Variants in CYP4B1 observed in about 807,000 individuals in gnomAD.
The protein encoded by CYP4B1 is cytochrome P450 family 4 subfamily B member 1, also known as cytochrome P450 4B1.
A neutral mutation model predicts 54.0 loss-of-function variants in CYP4B1; 45 were observed. That is an observed-to-expected ratio of 0.83 (90% CI 0.66 to 1.07). The LOEUF is 1.07. CYP4B1 is among the 50% of genes least tolerant of loss of function. CYP4B1 has a pLI of 0.00. For missense variants in CYP4B1, 656 were observed against 655.4 expected, an observed-to-expected ratio of 1.00 and a Z score of -0.01; for synonymous variants, 248 against 247.5, an observed-to-expected ratio of 1.00 and a Z score of -0.02.
chr1:46,814,258 G>T lies in CYP4B1; in HGVS notation c.825G>T (p.Arg275=), dbSNP rs746509037. Residue 275 remains arginine, a synonymous_variant, in exon 7 of 12, where the codon CGG becomes CGT. Coordinates refer to ENST00000371923, the MANE Select transcript of CYP4B1 (RefSeq NM_001099772.2). ...RKAALQDEKV[R]KKIQNRRHLD... ...CAGCCCTGCAGGATGAGAAGGTGCG[G>T]AAGAAGATCCAGAACCGGAGGCACC... 5 of 1,614,172 alleles carry T rather than the reference G, an allele frequency of 3.1e-6. No individual in the cohort carries two copies. The South Asian group carries it at 5.5e-5, about 18-fold the overall frequency.
intron 1 of CYP4B1, among the ~76,000 whole-genome samples, chr1:46,807,744 T>G (rs193013455): frequency 6.6e-6 from 1 of 152,286 alleles, no homozygotes; most frequent in Admixed American, 6.5e-5. Flanking sequence ...TACAGACGAC[T>G]CCACAGAGGG....
intron 1 of CYP4B1, 93 bp from the exon 2 acceptor site, chr1:46,810,715 T>G (rs1679061789): frequency 7.1e-7 from 1 of 1,410,478 alleles, no homozygotes; most frequent in Non-Finnish European, 9.9e-7. Context: ...AGGGCCTGCC[T>G]GGGCAGCCTT....
rs556468268 is a variant in CYP4B1 at position 46,816,995 on chromosome 1, G to A, written c.1074-53G>A. 149 of 1,600,482 alleles carry A rather than the reference G, an allele frequency of 9.3e-5. No individual in the cohort carries two copies. In the African/African-American group the frequency reaches 1.2e-3, roughly 13 times the overall value. ...AACTGGGGCTGGGGTCTGCTTTCTC[G>A]CCAAATCCTGTTGCTTCCCATTCCA... On this transcript the variant is annotated intron_variant, in intron 8 of 11. Coordinates refer to ENST00000371923, the MANE Select transcript of CYP4B1 (RefSeq NM_001099772.2).
Position 46,814,328 on chromosome 1 carries a change from T to C in CYP4B1, c.882+13T>C, listed in dbSNP as rs367726647. ...CCTGGGTGCCCGGGTGAGTACATTG[T>C]TGCCCACCCCTACCTGAGGACTGGT... is the stretch of plus-strand genomic sequence containing the variant. On this transcript the variant is annotated intron_variant, in intron 7 of 11. Transcript: ENST00000371923. The C allele has an allele frequency of 5.9e-5, 95 of 1,596,644 alleles. No individual in the cohort carries two copies. The highest frequency in any genetic ancestry group is 7.8e-5 in the Non-Finnish European group (91 of 1,166,110).
rs765556869 is a variant in CYP4B1 at position 46,812,592 on chromosome 1, C to T, written c.464C>T (p.Ala155Val). 8 of 1,613,820 alleles carry T rather than the reference C, an allele frequency of 5.0e-6. No homozygotes were observed. Among genetic ancestry groups the T allele is most frequent in the East Asian group, 2.2e-5 (1 of 44,860 alleles). Residue 155 changes from alanine (A) to valine (V), a missense_variant, in exon 4 of 12, where the codon GCC becomes GTC. Transcript: ENST00000371923. ...TATGATGTGCTGAAGCCCTATGTGG[C>T]CGTGTTCACTGAGTCTACACGTATC... Reference protein sequence around the residue: ...FHYDVLKPYVAVFTESTRIML... With the variant: ...FHYDVLKPYVVVFTESTRIML...
intron 6 of CYP4B1, 24 bp from the exon 7 acceptor site, chr1:46,814,185 T>G: frequency 6.2e-7 from 1 of 1,613,188 alleles, no homozygotes; most frequent in Non-Finnish European, 8.5e-7. Context: ...TCCCAGGCAG[T>G]GACACTCTGT....
Position 46,800,272 on chromosome 1 carries a change from TC to T in CYP4B1, c.180+1013del, listed in dbSNP as rs1430838891. The stretch of plus-strand genomic sequence containing the variant: ...TTCCTTCCTTCCTTCCTTCCTTCCT[TC>T]CTTCCTTCCTTCCTTCCTTCCTTCC... On this transcript the variant is annotated intron_variant, in intron 1 of 11. Transcript: ENST00000371923. Among the ~76,000 whole-genome samples, 98 of 126,204 alleles carry T rather than the reference TC, an allele frequency of 7.8e-4. 14 individuals carry two copies. Among genetic ancestry groups the T allele is most frequent in the Middle Eastern group, 3.7e-3 (1 of 272 alleles). The allele number at this position is 126,204 out of a possible 152,430, so 82.8% of individuals were successfully genotyped here.
chr1:46,819,036 T>C lies in CYP4B1; in HGVS notation c.*222T>C. 1 of 444,326 alleles carries C rather than the reference T, an allele frequency of 2.3e-6. No individual in the cohort carries two copies. The highest frequency in any genetic ancestry group is 4.0e-6 in the Non-Finnish European group (1 of 253,058). 27.5% of individuals were successfully genotyped at this position (444,326 alleles called of 1,614,324 possible). A position where few individuals can be genotyped will look rare whatever the true frequency, so the allele number is the denominator to read the frequency against. On this transcript the variant is annotated 3_prime_UTR_variant, in exon 12 of 12. Transcript: ENST00000371923. ...ATGTATTCTAGAGCTCATTCATTTA[T>C]TCAACAAACATTTGGTGAGCACCTA...
chr1:46,809,482 G>A (rs1679009750), intron 1 of CYP4B1, among the ~76,000 whole-genome samples: 1 of 152,234 alleles, frequency 6.6e-6, no homozygotes, highest in Non-Finnish European at 1.5e-5. Flanking sequence ...CCCAGCACAG[G>A]CTCAGGCCTC....
intron 1 of CYP4B1, among the ~76,000 whole-genome samples, chr1:46,803,109 A>G (rs1283796036): frequency 1.3e-5 from 2 of 152,178 alleles, no homozygotes; most frequent in Non-Finnish European, 2.9e-5. Flanking sequence ...GCCAGGTCAA[A>G]AGGCTTTACC....
At position 46,810,956 on chromosome 1, in the gene CYP4B1, A is replaced by C; in HGVS notation, c.322+7A>C. The stretch of plus-strand genomic sequence containing the variant: ...GCTGTGTACAGCCGTGGGGGTGAGG[A>C]GAGAGGATGGGGATCTCAGGAGAGG... On this transcript the variant is annotated splice_region_variant and intron_variant, in intron 2 of 11. Transcript: ENST00000371923. The C allele has an allele frequency of 6.2e-7, 1 of 1,613,762 alleles. No individual in the cohort carries two copies. The highest frequency in any genetic ancestry group is 8.5e-7 in the Non-Finnish European group (1 of 1,179,894).
chr1:46,801,932 C>A (rs1324206909), intron 1 of CYP4B1, among the ~76,000 whole-genome samples: 7 of 152,114 alleles, frequency 4.6e-5, no homozygotes, highest in Admixed American at 2.0e-4. Flanking sequence ...GGACTGGGGG[C>A]AGGGAAGAGC....
intron 8 of CYP4B1, among the ~76,000 whole-genome samples, chr1:46,815,740 A>G (rs1679310089): frequency 6.6e-6 from 1 of 152,204 alleles, no homozygotes; most frequent in African/African-American, 2.4e-5. Context: ...CCCAAACTTC[A>G]TCACTTAAAA....
rs188085892 is a variant in CYP4B1, at chr1:46,799,912, G to T, written c.180+651G>T. Among the ~76,000 whole-genome samples, 645 of 152,342 alleles carry T rather than the reference G, an allele frequency of 4.2e-3. 3 individuals carry two copies. The highest frequency in any genetic ancestry group is 0.015 in the African/African-American group (618 of 41,588). Reference sequence around the variant, plus strand: ...TCTCTTAGTTTCCTACTGTATTGGGGATCTAGACCAGAGGTTTCTAATTAG... The same window carrying T: ...TCTCTTAGTTTCCTACTGTATTGGGTATCTAGACCAGAGGTTTCTAATTAG... On this transcript the variant is annotated intron_variant, in intron 1 of 11. Transcript: ENST00000371923.
intron 4 of CYP4B1, among the ~76,000 whole-genome samples, chr1:46,813,109 C>T (rs898656215): frequency 2.0e-5 from 3 of 152,172 alleles, no homozygotes; most frequent in Admixed American, 6.5e-5. Flanking sequence ...CCTAAGTTAT[C>T]CAGGCTAGTC....
chr1:46,801,567 G>A (rs1678664279), intron 1 of CYP4B1, among the ~76,000 whole-genome samples: 1 of 152,136 alleles, frequency 6.6e-6, no homozygotes, highest in African/African-American at 2.4e-5. Flanking sequence ...GGCTGGAGGA[G>A]TGACTACTTG....
Position 46,814,253 on chromosome 1 carries a change from G to C in CYP4B1, c.820G>C (p.Val274Leu). ...ERKAALQDEK[V>L]RKKIQNRRHL... is the part of the protein sequence containing the mutation. ...GAAGGCAGCCCTGCAGGATGAGAAGGTGCGGAAGAAGATCCAGAACCGGAG... is the reference window on the plus strand; with the variant it reads ...GAAGGCAGCCCTGCAGGATGAGAAGCTGCGGAAGAAGATCCAGAACCGGAG... The change falls in exon 7 of 12, where the codon GTG becomes CTG. Residue 274 changes from valine to leucine, a missense_variant. Physicochemically the swap from Val to Leu is conservative, Grantham distance 32 (BLOSUM62 1). Coordinates refer to ENST00000371923, the MANE Select transcript of CYP4B1 (RefSeq NM_001099772.2). The C allele has an allele frequency of 1.9e-6, 3 of 1,614,182 alleles. No individual in the cohort carries two copies. Among genetic ancestry groups the C allele is most frequent in the Non-Finnish European group, 2.5e-6 (3 of 1,180,040 alleles).
chr1:46,816,287 A>C (rs1242432226), intron 8 of CYP4B1, among the ~76,000 whole-genome samples: 2 of 152,120 alleles, frequency 1.3e-5, no homozygotes, highest in African/African-American at 4.8e-5. Flanking sequence ...GTGAGGCTTG[A>C]ACTGACTTTC....
intron 1 of CYP4B1, among the ~76,000 whole-genome samples, chr1:46,802,936 G>A (rs901109476): frequency 6.6e-6 from 1 of 152,202 alleles, no homozygotes; most frequent in Non-Finnish European, 1.5e-5. Context: ...GTGCAAAAAG[G>A]CACACAGGCT....
Sources: allele counts gnomAD v4.1 joint callset (sites outside exome capture counted in the v4.1 genomes callset), GRCh38; gene constraint gnomAD v4.1.1; transcripts MANE v1.5; gene names NCBI Gene and HGNC (gene_info 2026-07-23, HGNC 2026-07-21).